The following CYB5A variants were observed in gnomAD, a reference collection of about 807,000 sequenced individuals.
CYB5A encodes the protein cytochrome b5.
CYB5A carries 10 observed loss-of-function variants against 16.2 expected under a neutral mutation model. The observed-to-expected ratio is 0.62, with a 90% CI of 0.38 to 1.04. CYB5A has a LOEUF of 1.04. CYB5A is among the 50% of genes least tolerant of loss of function. The pLI, the probability that CYB5A is intolerant of heterozygous loss-of-function variation, is 0.01. For missense variants in CYB5A, 161 were observed against 165.9 expected (o/e 0.97, Z 0.16); for synonymous variants, 62 against 57.0 (o/e 1.09, Z -0.40).
rs767414858 is a variant in CYB5A at position 74,260,900 on chromosome 18, G to C, written c.288+15C>G. 9.9e-6 allele frequency: 16 copies of C among 1,608,368 alleles called. No individual in the cohort carries two copies. In the East Asian group the frequency reaches 3.3e-4, roughly 34 times the overall value. On this transcript the variant is annotated intron_variant, in intron 3 of 4. Transcript: ENST00000340533. ...AACGAGAACATCCAGAGATACTTGAGATGGTCACACTTACCGGAGGCTTGT... is the reference window on the plus strand; with the variant it reads ...AACGAGAACATCCAGAGATACTTGACATGGTCACACTTACCGGAGGCTTGT...
intron 1 of CYB5A, among the ~76,000 whole-genome samples, chr18:74,271,852 C>T (rs997544515): frequency 2.6e-5 from 4 of 152,322 alleles, no homozygotes; most frequent in African/African-American, 7.2e-5. Flanking sequence ...GAGAGGCCAA[C>T]ATAAAAGCTG....
chr18:74,278,151 G>A (rs1982954390), intron 1 of CYB5A, among the ~76,000 whole-genome samples: 1 of 152,170 alleles, frequency 6.6e-6, no homozygotes, highest in Non-Finnish European at 1.5e-5. Context: ...CCACTTTACA[G>A]ACAGAGGTGA....
At chr18:74,283,906 A>G (rs1295349691) in intron 1 of CYB5A, among the ~76,000 whole-genome samples, 2 of 152,154 alleles carry the variant, frequency 1.3e-5, no homozygotes, top group Non-Finnish European at 2.9e-5. Flanking sequence ...GGGAGGACAC[A>G]ATCACCACTG....
chr18:74,291,704 G>T, intron 1 of CYB5A, 43 bp downstream of exon 1: 1 of 1,612,768 alleles, frequency 6.2e-7, no homozygotes, highest in Non-Finnish European at 8.5e-7. Context: ...CCCCAAACCC[G>T]GCCCACGCTC....
chr18:74,268,104 C>T (rs1196495214), intron 1 of CYB5A, among the ~76,000 whole-genome samples: 1 of 152,228 alleles, frequency 6.6e-6, no homozygotes, highest in East Asian at 1.9e-4. Context: ...ACGTGGCAGC[C>T]ACAGTCGGAG....
intron 1 of CYB5A, among the ~76,000 whole-genome samples, chr18:74,288,871 G>GA (rs1347595063): frequency 6.6e-6 from 1 of 152,176 alleles, no homozygotes; most frequent in Admixed American, 6.5e-5. Flanking sequence ...ACGGCAAATG[G>GA]AAAAACACGT....
At chr18:74,268,983 C>G (rs73482437) in intron 1 of CYB5A, among the ~76,000 whole-genome samples, 2 of 152,128 alleles carry the variant, frequency 1.3e-5, no homozygotes, top group Admixed American at 6.5e-5. Context: ...AATACCAATA[C>G]AATAACTGGA....
intron 1 of CYB5A, among the ~76,000 whole-genome samples, chr18:74,276,411 G>C (rs1230674638): frequency 6.6e-6 from 1 of 152,000 alleles, no homozygotes; most frequent in African/African-American, 2.4e-5. Flanking sequence ...TAAAAATAAA[G>C]TTTCTTCATA....
At chr18:74,290,554 TTTTTA>T (rs1300760602) in intron 1 of CYB5A, among the ~76,000 whole-genome samples, 1 of 152,116 alleles carries the variant, frequency 6.6e-6, no homozygotes, top group Non-Finnish European at 1.5e-5. Context: ...CCAGCCTCAT[TTTTTA>T]AAACAGGCCT....
chr18:74,267,889 T>C (rs1790848), intron 1 of CYB5A, among the ~76,000 whole-genome samples: 39,235 of 152,080 alleles, frequency 0.26, 5,166 homozygotes, highest in South Asian at 0.34. Flanking sequence ...CCAGCTGTAG[T>C]GCCCAGAGAG....
At chr18:74,269,942 T>C (rs1982606975) in intron 1 of CYB5A, among the ~76,000 whole-genome samples, 2 of 152,172 alleles carry the variant, frequency 1.3e-5, no homozygotes, top group Non-Finnish European at 2.9e-5. Context: ...GTAATGGTGA[T>C]GCAGAGGTAG....
chr18:74,259,472 G>A (rs975622028), intron 3 of CYB5A: 1 of 152,156 alleles, frequency 6.6e-6, no homozygotes, highest in Non-Finnish European at 1.5e-5. Context: ...TGTAATACAC[G>A]TGTTCTAAAA....
chr18:74,264,724 C>A (rs1982366278), intron 1 of CYB5A, among the ~76,000 whole-genome samples: 1 of 152,040 alleles, frequency 6.6e-6, no homozygotes, highest in Non-Finnish European at 1.5e-5. Flanking sequence ...GGAAGAGCCT[C>A]TTGTGGAATA....
At chr18:74,291,635 C>T in intron 1 of CYB5A, 112 bp downstream of exon 1, 4 of 1,494,840 alleles carry the variant, frequency 2.7e-6, no homozygotes, top group Admixed American at 3.6e-5. Flanking sequence ...ACTCGGGGGG[C>T]GCGCCTAGGC....
chr18:74,263,736 A>G lies in CYB5A; in HGVS notation c.130-259T>C, dbSNP rs1982312154. Among the ~76,000 whole-genome samples, 2 of 152,112 alleles carry G rather than the reference A, an allele frequency of 1.3e-5. 1 individual carries two copies. Among genetic ancestry groups the G allele is most frequent in the South Asian group, 4.1e-4 (2 of 4,820 alleles). On this transcript the variant is annotated intron_variant, in intron 1 of 4. Coordinates refer to ENST00000340533, the MANE Select transcript of CYB5A (RefSeq NM_148923.4). ...AACCTGGGCAACATTGTGAGACCCCATAACTATAAAATACAATTTTAAAAA... is the reference window on the plus strand; with the variant it reads ...AACCTGGGCAACATTGTGAGACCCCGTAACTATAAAATACAATTTTAAAAA...
chr18:74,277,052 C>T (rs1982909493), intron 1 of CYB5A, among the ~76,000 whole-genome samples: 1 of 151,908 alleles, frequency 6.6e-6, no homozygotes, highest in African/African-American at 2.4e-5. Flanking sequence ...CAGAGATTGT[C>T]CATAAACAAC....
chr18:74,287,078 C>G (rs952729109), intron 1 of CYB5A, among the ~76,000 whole-genome samples: 1 of 152,166 alleles, frequency 6.6e-6, no homozygotes, highest in Non-Finnish European at 1.5e-5. Context: ...GGTTTTACTA[C>G]CACTTTACCC....
intron 2 of CYB5A, 39 bp downstream of exon 2, chr18:74,263,310 T>C (rs1348836182): frequency 1.2e-6 from 2 of 1,613,742 alleles, no homozygotes; most frequent in Admixed American, 1.7e-5. Flanking sequence ...TCTGATAGCC[T>C]TAAATACAAA....
intron 2 of CYB5A, chr18:74,261,532 G>T (rs1383447412): frequency 6.3e-6 from 1 of 159,082 alleles, no homozygotes; most frequent in African/African-American, 2.4e-5. Context: ...GTAACGGCAG[G>T]CCTCCCTGAT....
Sources: allele counts gnomAD v4.1 joint callset (sites outside exome capture counted in the v4.1 genomes callset), GRCh38; gene constraint gnomAD v4.1.1; transcripts MANE v1.5; gene names NCBI Gene and HGNC (gene_info 2026-07-23, HGNC 2026-07-21).